BCL3: variants seen among roughly 807,000 people sequenced by gnomAD.
BCL3 encodes the protein BCL3 transcription coactivator, also known as B-cell lymphoma 3 protein.
In BCL3, 15 loss-of-function variants were observed where a neutral mutation model predicts 35.7. That is an observed-to-expected ratio of 0.42 (90% CI 0.28 to 0.65). The LOEUF (loss-of-function observed/expected upper bound fraction) is 0.65. Ranked by LOEUF, BCL3 falls within the 30% of genes least tolerant of loss-of-function variation. The pLI is 0.22. For synonymous variants in BCL3, 311 were observed against 284.3 expected (o/e 1.09, Z -0.95); for missense variants, 565 against 641.7 (o/e 0.88, Z 1.29).
chr19:44,747,881 G>A, upstream of BCL3: 31 of 1,143,618 alleles, frequency 2.7e-5, no homozygotes, highest in Non-Finnish European at 3.4e-5. Context: ...GCCCCGGCTG[G>A]GGGCAGGGCC....
At chr19:44,747,724 C>A, upstream of BCL3, 2 of 753,064 alleles carry the variant, frequency 2.7e-6, no homozygotes, top group Non-Finnish European at 3.4e-6. Context: ...CCCGCTCCTG[C>A]AGCACCGGCC....
intron 3 of BCL3, 147 bp from the exon 4 acceptor site, chr19:44,756,870 G>C (rs747679905): frequency 9.1e-5 from 68 of 750,532 alleles, no homozygotes; most frequent in Non-Finnish European, 1.4e-4. Flanking sequence ...CATGGGGCCC[G>C]GACTCTTGAA....
At chr19:44,747,732 G>T, upstream of BCL3, 1 of 830,538 alleles carries the variant, frequency 1.2e-6, no homozygotes, top group Non-Finnish European at 1.5e-6. Flanking sequence ...TGCAGCACCG[G>T]CCTCGGTCGC....
intron 2 of BCL3, among the ~76,000 whole-genome samples, chr19:44,751,922 C>G (rs545250018): frequency 1.3e-5 from 2 of 152,112 alleles, no homozygotes; most frequent in Non-Finnish European, 2.9e-5. Context: ...ATTTTTGGAA[C>G]GGTGGTCTTT....
intron 1 of BCL3, among the ~76,000 whole-genome samples, chr19:44,750,285 C>CTTTG (rs10629382): frequency 0.51 from 76,730 of 151,268 alleles, 21,188 homozygotes; most frequent in African/African-American, 0.75. Flanking sequence ...GTCCCCTCGC[C>CTTTG]TTTGTTTGTT....
intron 2 of BCL3, among the ~76,000 whole-genome samples, chr19:44,752,062 T>C (rs1967190620): frequency 6.8e-6 from 1 of 147,514 alleles, no homozygotes; most frequent in South Asian, 2.1e-4. Context: ...ATTACTATTA[T>C]TTTATCTCAA....
At chr19:44,753,657 G>A (rs1967224379) in intron 2 of BCL3, among the ~76,000 whole-genome samples, 1 of 152,154 alleles carries the variant, frequency 6.6e-6, no homozygotes, top group Admixed American at 6.5e-5. Context: ...GGAGGGCAGT[G>A]GGGGCGAGGA....
Position 44,748,751 on chromosome 19 carries a change from C to G in BCL3, c.-40C>G. The stretch of plus-strand genomic sequence containing the variant: ...CGGCGAAACCACCCTCCCGTGCAGC[C>G]GAGCCCAGCCGCTCTCCGGCCGCCG... On this transcript the variant is annotated 5_prime_UTR_variant, in exon 1 of 9. Coordinates refer to ENST00000164227, the MANE Select transcript of BCL3 (RefSeq NM_005178.5). 1.8e-6 allele frequency: 2 copies of G among 1,085,038 alleles called. No homozygotes were observed. The highest frequency in any genetic ancestry group is 1.1e-4 in the East Asian group (2 of 18,780). 67.2% of individuals were successfully genotyped at this position (1,085,038 alleles called of 1,614,324 possible).
chr19:44,748,907 G>A lies in BCL3; in HGVS notation c.117G>A (p.Ala39=). The A allele has an allele frequency of 1.7e-6, 2 of 1,146,310 alleles. 1 individual carries two copies. The highest frequency in any genetic ancestry group is 2.1e-6 in the Non-Finnish European group (2 of 935,182). The allele number at this position is 1,146,310 out of a possible 1,614,324, so 71.0% of individuals were successfully genotyped here. ...ALPLRKRPLR[A]PSPEPAAPRG... Reference sequence around the variant, plus strand: ...CGCTCCGCAAGCGCCCGCTGCGCGCGCCCTCCCCGGAGCCCGCCGCTCCCC... The same window carrying A: ...CGCTCCGCAAGCGCCCGCTGCGCGCACCCTCCCCGGAGCCCGCCGCTCCCC... Residue 39 remains alanine (A), a synonymous_variant, in exon 1 of 9, where the codon GCG becomes GCA. Coordinates refer to ENST00000164227, the MANE Select transcript of BCL3 (RefSeq NM_005178.5).
chr19:44,757,107 C>T lies in BCL3; in HGVS notation c.610C>T (p.His204Tyr), dbSNP rs1967304980. The change falls in exon 4 of 9, where the codon CAT becomes TAT. Residue 204 changes from histidine (H) to tyrosine (Y), a missense_variant. His to Tyr is a moderately conservative substitution (Grantham distance 83, BLOSUM62 2). Around this residue, in one of 5 missense-constraint regions of BCL3, gnomAD observed 5 missense variants for 27.2 expected, o/e 0.18. Coordinates refer to ENST00000164227, the MANE Select transcript of BCL3 (RefSeq NM_005178.5). The surrounding 1 kb of genome is among the most constrained non-coding windows in gnomAD (Gnocchi z 8.4). ...AGASPMALDR[H>Y]GQTAAHLACE... Reference sequence around the variant, plus strand: ...TGCCAGCCCCATGGCGCTGGACCGCCATGGCCAGACGGCCGCTCACCTGGC... The same window carrying T: ...TGCCAGCCCCATGGCGCTGGACCGCTATGGCCAGACGGCCGCTCACCTGGC... The T allele has an allele frequency of 6.2e-7, 1 of 1,606,354 alleles. No individual in the cohort carries two copies. The highest frequency in any genetic ancestry group is 8.5e-7 in the Non-Finnish European group (1 of 1,177,268).
rs774578129 is a variant in BCL3 at position 44,757,245 on chromosome 19, G to T, written c.724+24G>T. ...CGGTAAGCATTTACCGCGGGGCACC[G>T]CTGGGCTGTCCAGCGGACCTGGAGT... On this transcript the variant is annotated intron_variant, in intron 4 of 8. Transcript: ENST00000164227. The surrounding 1 kb of genome is among the most constrained non-coding windows in gnomAD (Gnocchi z 8.4). 8.4e-6 allele frequency: 13 copies of T among 1,552,000 alleles called. No homozygotes were observed. Among genetic ancestry groups the T allele is most frequent in the East Asian group, 4.9e-5 (2 of 41,104 alleles).
Position 44,748,878 on chromosome 19 carries a change from C to G in BCL3, c.88C>G (p.Leu30Val). 1 of 1,114,072 alleles carries G rather than the reference C, an allele frequency of 9.0e-7. No homozygotes were observed. Among genetic ancestry groups the G allele is most frequent in the Non-Finnish European group, 1.1e-6 (1 of 915,264 alleles). The allele number at this position is 1,114,072 out of a possible 1,614,324, so 69.0% of individuals were successfully genotyped here. A position where few individuals can be genotyped will look rare whatever the true frequency, so the allele number is the denominator to read the frequency against. The change falls in exon 1 of 9, where the codon CTG (leucine) becomes GTG (valine). Residue 30 changes from leucine (L) to valine (V), a missense_variant. Leu to Val is a conservative substitution (Grantham distance 32). Coordinates refer to ENST00000164227, the MANE Select transcript of BCL3 (RefSeq NM_005178.5). ...GGCCGCCGGACTCCCGGGCGCCGCG[C>G]TGCCGCTCCGCAAGCGCCCGCTGCG... ...PKAAGLPGAA[L>V]PLRKRPLRAP... is the part of the protein sequence containing the mutation.
intron 8 of BCL3, 67 bp from the exon 9 acceptor site, chr19:44,759,343 CTCAGACCCAGATCTCAGG>C: frequency 9.1e-7 from 1 of 1,098,318 alleles, no homozygotes; most frequent in Non-Finnish European, 1.3e-6. Context: ...CCCCTCCTCC[CTCAGACCCAGATCTCAGG>C]CCCCAGCCCC....
At chr19:44,750,677 G>A (rs1273571369) in intron 1 of BCL3, among the ~76,000 whole-genome samples, 1 of 152,130 alleles carries the variant, frequency 6.6e-6, no homozygotes, top group Non-Finnish European at 1.5e-5. Flanking sequence ...CAGCTACCTG[G>A]GAGGTTGAGG....
At chr19:44,756,555 G>A (rs1451855203) in intron 3 of BCL3, among the ~76,000 whole-genome samples, 1 of 146,020 alleles carries the variant, frequency 6.8e-6, no homozygotes, top group Non-Finnish European at 1.5e-5. Flanking sequence ...GCTGGGTCCT[G>A]GGCTCCTGAG....
In BCL3 at chr19:44,756,421, G is replaced by T. The variant is rs1424567321; in HGVS notation, c.519+81G>T. On this transcript the variant is annotated intron_variant, in intron 3 of 8. Transcript: ENST00000164227. ...GGAGGGGCTGGGGGCCTGAACTCCT[G>T]GGTCTGAGGGAGGGGGGCTGGGGCC... 6.6e-6 allele frequency: 7 copies of T among 1,065,974 alleles called. No homozygotes were observed. The East Asian group carries it at 1.9e-4, about 29-fold the overall frequency. 66.0% of individuals were successfully genotyped at this position (1,065,974 alleles called of 1,614,324 possible).
Position 44,759,654 on chromosome 19 carries a change from G to GC in BCL3, c.*45dup, listed in dbSNP as rs756556178. 2 of 1,495,428 alleles carry GC rather than the reference G, an allele frequency of 1.3e-6. No homozygotes were observed. Among genetic ancestry groups the GC allele is most frequent in the Admixed American group, 4.2e-5 (2 of 47,476 alleles). The allele number at this position is 1,495,428 out of a possible 1,614,324, so 92.6% of individuals were successfully genotyped here. On this transcript the variant is annotated 3_prime_UTR_variant, in exon 9 of 9. Coordinates refer to ENST00000164227, the MANE Select transcript of BCL3 (RefSeq NM_005178.5). Reference sequence around the variant, plus strand: ...GCAGATCTTGGACTCATGAGGAGGGGCCCCCCTGCCCTGTGGGGTCAACCC... The same window carrying GC: ...GCAGATCTTGGACTCATGAGGAGGGGCCCCCCCTGCCCTGTGGGGTCAACCC...
chr19:44,749,765 G>A (rs189145652), intron 1 of BCL3, among the ~76,000 whole-genome samples: 17 of 152,250 alleles, frequency 1.1e-4, no homozygotes, highest in Non-Finnish European at 1.9e-4. Flanking sequence ...TCAAGATCAG[G>A]TGGGCAGAAG....
intron 2 of BCL3, among the ~76,000 whole-genome samples, chr19:44,754,715 C>G (rs138199971): frequency 0.027 from 4,105 of 152,298 alleles, 82 homozygotes; most frequent in African/African-American, 0.041. Flanking sequence ...GGACCCTTCC[C>G]AGGGACCCCG....
Sources: allele counts gnomAD v4.1 joint callset (sites outside exome capture counted in the v4.1 genomes callset), GRCh38; gene constraint gnomAD v4.1.1; regional missense constraint gnomAD v4.1.1; non-coding constraint Gnocchi (gnomAD v3.1); transcripts MANE v1.5; gene names NCBI Gene and HGNC (gene_info 2026-07-23, HGNC 2026-07-21).